Variants in RERE observed in about 807,000 individuals in gnomAD.
RERE encodes arginine-glutamic acid dipeptide repeats protein.
Under a neutral mutation model 146.1 loss-of-function variants are expected in RERE, and 40 were observed. The observed-to-expected ratio is 0.27, with a 90% CI of 0.21 to 0.36. The LOEUF (loss-of-function observed/expected upper bound fraction) is 0.36, where lower values mean the gene tolerates loss of function less well. RERE is among the 10% of genes least tolerant of loss of function. The probability of loss-of-function intolerance (pLI) is 1.00; values close to 1 mark genes in which losing one functional copy is unlikely to be tolerated. For missense variants in RERE, 1,933 were observed against 2,138.7 expected (o/e 0.90, Z 1.90); for synonymous variants, 1,003 against 866.0 (o/e 1.16, Z -2.78).
At chr1:8,379,723 T>C (rs1469514705) in intron 12 of RERE, among the ~76,000 whole-genome samples, 3 of 152,140 alleles carry the variant, frequency 2.0e-5, no homozygotes, top group Non-Finnish European at 4.4e-5. Flanking sequence ...GGGGTCACTG[T>C]CTAGAGACTC....
At chr1:8,727,683 G>A (rs975137762) in intron 1 of RERE, among the ~76,000 whole-genome samples, 6 of 151,854 alleles carry the variant, frequency 4.0e-5, no homozygotes, top group Non-Finnish European at 7.4e-5. Context: ...TGGTAGAGAC[G>A]GTGTTTCACC....
intron 3 of RERE, among the ~76,000 whole-genome samples, chr1:8,622,514 C>CAT (rs1335875756): frequency 1.6e-5 from 2 of 126,780 alleles, no homozygotes; most frequent in Non-Finnish European, 3.4e-5. Flanking sequence ...AAAAAAAACA[C>CAT]ACTTTGGAAG....
chr1:8,387,444 G>C (rs1642716173), intron 12 of RERE, among the ~76,000 whole-genome samples: 1 of 152,102 alleles, frequency 6.6e-6, no homozygotes, highest in South Asian at 2.1e-4. Context: ...AAGTATAAAG[G>C]CTGATACATT....
At chr1:8,522,382 C>T (rs951337713) in intron 7 of RERE, among the ~76,000 whole-genome samples, 1 of 152,046 alleles carries the variant, frequency 6.6e-6, no homozygotes, top group African/African-American at 2.4e-5. Context: ...CTGGCAAATG[C>T]GTCTTTGGTA....
chr1:8,656,232 C>CTCTCGGTCCCGG lies in RERE; in HGVS notation c.54_65dup (p.Asp18_Arg21dup), dbSNP rs765195788. ...CTCTTGCTTTGTCTCTTTTCTCTCT[C>CTCTCGGTCCCGG]TCTCGGTCCCGGTCTCGGTCCCGGT... is the stretch of plus-strand genomic sequence containing the variant. On this transcript the variant is annotated inframe_insertion, in exon 2 of 23. Coordinates refer to ENST00000400908, the MANE Select transcript of RERE (RefSeq NM_001042681.2). 1.9e-6 allele frequency: 3 copies of CTCTCGGTCCCGG among 1,613,620 alleles called. No individual in the cohort carries two copies. Among genetic ancestry groups the CTCTCGGTCCCGG allele is most frequent in the African/African-American group, 2.7e-5 (2 of 74,888 alleles).
intron 1 of RERE, among the ~76,000 whole-genome samples, chr1:8,680,060 G>A (rs1287459738): frequency 1.3e-5 from 2 of 152,148 alleles, no homozygotes; most frequent in African/African-American, 4.8e-5. Flanking sequence ...TCTTAGTGAT[G>A]TATGGGGAAG....
At chr1:8,414,244 A>C (rs1416403989) in intron 12 of RERE, among the ~76,000 whole-genome samples, 1 of 151,824 alleles carries the variant, frequency 6.6e-6, no homozygotes, top group African/African-American at 2.4e-5. Flanking sequence ...CAACTGGGAT[A>C]GTTTAGATAT....
At chr1:8,549,047 T>C (rs898781544) in intron 6 of RERE, among the ~76,000 whole-genome samples, 3 of 152,094 alleles carry the variant, frequency 2.0e-5, no homozygotes, top group Admixed American at 2.0e-4. Context: ...ACCTTACAAG[T>C]CTGGAGTTAG....
intron 6 of RERE, 82 bp from the exon 7 acceptor site, chr1:8,541,400 G>A: frequency 1.3e-6 from 1 of 773,364 alleles, no homozygotes; most frequent in Non-Finnish European, 2.2e-6. Context: ...GGTGGAGGAA[G>A]CACTGAACTA....
intron 1 of RERE, among the ~76,000 whole-genome samples, chr1:8,694,974 G>GGT (rs1553135222): frequency 3.7e-5 from 1 of 26,870 alleles, no homozygotes; most frequent in Non-Finnish European, 7.0e-5. Flanking sequence ...GAAATCCTAA[G>GGT]GGGGGGGGGG....
At chr1:8,526,101 AC>A in intron 7 of RERE, 2 of 1,097,190 alleles carry the variant, frequency 1.8e-6, no homozygotes, top group Non-Finnish European at 2.2e-6. Flanking sequence ...CTCCCTGCAC[AC>A]CAAGCTAGTG....
chr1:8,498,410 T>C (rs1314695524), intron 8 of RERE, among the ~76,000 whole-genome samples: 3 of 150,884 alleles, frequency 2.0e-5, no homozygotes, highest in African/African-American at 4.9e-5. Flanking sequence ...TTATATATAG[T>C]TGAGGCTGGG....
intron 1 of RERE, among the ~76,000 whole-genome samples, chr1:8,683,540 T>C (rs1433902817): frequency 6.6e-6 from 1 of 152,126 alleles, no homozygotes; most frequent in Non-Finnish European, 1.5e-5. Context: ...TCCCCACAGT[T>C]ACTGGTGCTG....
chr1:8,554,240 A>T (rs900156922), intron 6 of RERE, among the ~76,000 whole-genome samples: 1 of 152,224 alleles, frequency 6.6e-6, no homozygotes, highest in Non-Finnish European at 1.5e-5. Context: ...AAATATGTTG[A>T]TTTTAAGCAT....
chr1:8,713,434 T>A (rs1335259463), intron 1 of RERE, among the ~76,000 whole-genome samples: 1 of 152,206 alleles, frequency 6.6e-6, no homozygotes, highest in African/African-American at 2.4e-5. Context: ...AAAAAAATTT[T>A]TTTTAATTAA....
intron 12 of RERE, among the ~76,000 whole-genome samples, chr1:8,381,817 C>T (rs553365176): frequency 2.0e-5 from 3 of 152,308 alleles, no homozygotes; most frequent in East Asian, 1.9e-4. Context: ...CCAGAACACA[C>T]GTGTTTTTTG....
At chr1:8,572,019 A>G (rs891592038) in intron 4 of RERE, among the ~76,000 whole-genome samples, 3 of 152,244 alleles carry the variant, frequency 2.0e-5, no homozygotes, top group Non-Finnish European at 4.4e-5. Context: ...GGAAATGTTC[A>G]TATCTTCTGC....
intron 12 of RERE, among the ~76,000 whole-genome samples, chr1:8,402,862 T>C (rs1287150748): frequency 6.6e-6 from 1 of 152,154 alleles, no homozygotes; most frequent in Non-Finnish European, 1.5e-5. Context: ...TGGGGGGCGC[T>C]GGTGCTGGGA....
chr1:8,362,008 AG>A (rs891282546), intron 16 of RERE, 132 bp from the exon 17 acceptor site: 4 of 648,906 alleles, frequency 6.2e-6, no homozygotes, highest in African/African-American at 1.8e-5. Flanking sequence ...AAAAAGCTCT[AG>A]AAGGGTCAAC....
Sources: allele counts gnomAD v4.1 joint callset (sites outside exome capture counted in the v4.1 genomes callset), GRCh38; gene constraint gnomAD v4.1.1; transcripts MANE v1.5; gene names NCBI Gene and HGNC (gene_info 2026-07-23, HGNC 2026-07-21).